L3HYPDH: variants seen among roughly 807,000 people sequenced by gnomAD.
L3HYPDH encodes trans-L-3-hydroxyproline dehydratase.
Under a neutral mutation model 26.5 loss-of-function variants are expected in L3HYPDH, and 32 were observed. That is an observed-to-expected ratio of 1.21 (90% CI 0.91 to 1.62). The LOEUF is 1.62. Ranked by LOEUF, L3HYPDH falls within the 40% of genes most tolerant of loss-of-function variation. The probability of loss-of-function intolerance (pLI) is 0.00; values close to 1 mark genes in which losing one functional copy is unlikely to be tolerated. For missense variants in L3HYPDH, 554 were observed against 476.4 expected, an observed-to-expected ratio of 1.16 and a Z score of -1.52; for synonymous variants, 215 against 196.6, an observed-to-expected ratio of 1.09 and a Z score of -0.78.
chr14:59,475,920 T>C lies in L3HYPDH; in HGVS notation c.888A>G (p.Arg296=), dbSNP rs771916154. The C allele has an allele frequency of 6.2e-7, 1 of 1,613,752 alleles. No individual in the cohort carries two copies. The highest frequency in any genetic ancestry group is 1.7e-5 in the Admixed American group (1 of 59,990). The change falls in exon 4 of 5, where the codon AGA becomes AGG. Residue 296 remains arginine, a synonymous_variant. Transcript: ENST00000247194. ...AGCCAGTTGCACTGCTTTTGAAGGC[T>C]CTCATCTGGTTCAGTTCCAGAAGCC... ...HKGLLELNQM[R]AFKSSATGSV...
At chr14:59,480,713 C>T (rs1194165835) in intron 1 of L3HYPDH, among the ~76,000 whole-genome samples, 1 of 150,924 alleles carries the variant, frequency 6.6e-6, no homozygotes, top group East Asian at 1.9e-4. Context: ...CCCTTTTAAC[C>T]CATGATGTGT....
chr14:59,502,752 T>TTTTGTTTTTTTTTCTTTGTTTTTG, the L3HYPDH span, among the ~76,000 whole-genome samples: 4 of 76,768 alleles, frequency 5.2e-5, 2 homozygotes, highest in Non-Finnish European at 5.4e-5. Flanking sequence ...AAAATGAGAT[T>TTTTGTTTTTTTTTCTTTGTTTTTG]TTTTTTTTTT....
chr14:59,480,742 T>C (rs1252203901), intron 1 of L3HYPDH, among the ~76,000 whole-genome samples: 2 of 152,344 alleles, frequency 1.3e-5, no homozygotes, highest in East Asian at 1.9e-4. Flanking sequence ...AGCAAGTTTA[T>C]AATCAAAAGA....
the L3HYPDH span, chr14:59,501,376 T>C: frequency 3.0e-6 from 2 of 672,618 alleles, no homozygotes; most frequent in Non-Finnish European, 4.9e-6. Flanking sequence ...TTTAGTAATC[T>C]TTGGCTGATT....
upstream of L3HYPDH, chr14:59,486,563 T>G: frequency 1.6e-6 from 1 of 629,188 alleles, no homozygotes; most frequent in Non-Finnish European, 2.8e-6. Flanking sequence ...AAAGGAGAAA[T>G]GTAAATTTAA....
At chr14:59,494,440 A>G in the L3HYPDH span, among the ~76,000 whole-genome samples, 2 of 152,062 alleles carry the variant, frequency 1.3e-5, no homozygotes, top group African/African-American at 4.8e-5. Flanking sequence ...TTTTGAGTAG[A>G]AAAAAAATCT....
At chr14:59,494,414 A>C in the L3HYPDH span, among the ~76,000 whole-genome samples, 5 of 152,224 alleles carry the variant, frequency 3.3e-5, no homozygotes, top group Admixed American at 1.3e-4. Context: ...AACATGGATG[A>C]AACTTGGAAA....
intron 2 of L3HYPDH, 39 bp downstream of exon 2, chr14:59,479,143 A>C: frequency 2.7e-6 from 4 of 1,473,528 alleles, no homozygotes; most frequent in Non-Finnish European, 3.7e-6. Flanking sequence ...TCCATGCCAC[A>C]GAGAAGGGAA....
chr14:59,472,413 A>C (rs1340214397), downstream of L3HYPDH, among the ~76,000 whole-genome samples: 1 of 152,242 alleles, frequency 6.6e-6, no homozygotes, highest in Non-Finnish European at 1.5e-5. Flanking sequence ...TGGATGTAGA[A>C]GCTGGGCTTT....
At chr14:59,497,777 G>C in the L3HYPDH span, among the ~76,000 whole-genome samples, 1 of 152,112 alleles carries the variant, frequency 6.6e-6, no homozygotes, top group Non-Finnish European at 1.5e-5. Context: ...TACTGTACAG[G>C]ACTGAACCTA....
At chr14:59,474,153 T>C (rs1464797620) in intron 4 of L3HYPDH, among the ~76,000 whole-genome samples, 3 of 152,182 alleles carry the variant, frequency 2.0e-5, no homozygotes, top group East Asian at 3.8e-4. Context: ...CACCAGGTTA[T>C]GTAAGGGTGT....
At chr14:59,476,921 G>A (rs1889669484) in intron 2 of L3HYPDH, among the ~76,000 whole-genome samples, 1 of 152,102 alleles carries the variant, frequency 6.6e-6, no homozygotes, top group Non-Finnish European at 1.5e-5. Flanking sequence ...ACTTTTCCTG[G>A]ATTTCTGCAA....
At chr14:59,480,689 C>G (rs562555248) in intron 1 of L3HYPDH, among the ~76,000 whole-genome samples, 4 of 152,232 alleles carry the variant, frequency 2.6e-5, no homozygotes, top group South Asian at 2.1e-4. Flanking sequence ...TTAGTCCACA[C>G]TAGTCCACAG....
At chr14:59,498,905 T>C in the L3HYPDH span, 1 of 1,590,280 alleles carries the variant, frequency 6.3e-7, no homozygotes, top group East Asian at 2.3e-5. Context: ...TGGAGGCCTT[T>C]TATGTAAGTT....
chr14:59,470,691 A>T (rs373891268), downstream of L3HYPDH, among the ~76,000 whole-genome samples: 20 of 152,286 alleles, frequency 1.3e-4, 2 homozygotes, highest in Admixed American at 8.5e-4. Context: ...TGCATAAACC[A>T]TAAGACCTGG....
intron 3 of L3HYPDH, 37 bp downstream of exon 3, chr14:59,476,055 A>G (rs1225921772): frequency 6.2e-7 from 1 of 1,613,656 alleles, no homozygotes; most frequent in Admixed American, 1.7e-5. Context: ...GTTCCATATT[A>G]CCTGGCTTTT....
the L3HYPDH span, among the ~76,000 whole-genome samples, chr14:59,499,621 G>A: frequency 2.0e-5 from 3 of 152,122 alleles, no homozygotes; most frequent in Non-Finnish European, 2.9e-5. Flanking sequence ...AAAATGTAGT[G>A]TGGTTCTTTT....
chr14:59,501,307 A>G, the L3HYPDH span: 5 of 1,264,536 alleles, frequency 4.0e-6, no homozygotes, highest in East Asian at 1.2e-4. Context: ...ACTTTTTGAT[A>G]AATTTGACAA....
intron 1 of L3HYPDH, among the ~76,000 whole-genome samples, chr14:59,479,955 T>C (rs1433007102): frequency 6.6e-6 from 1 of 152,202 alleles, no homozygotes; most frequent in Non-Finnish European, 1.5e-5. Flanking sequence ...TATTTGAGCA[T>C]TTTAAGTCTC....
Sources: allele counts gnomAD v4.1 joint callset (sites outside exome capture counted in the v4.1 genomes callset), GRCh38; gene constraint gnomAD v4.1.1; transcripts MANE v1.5; gene names NCBI Gene and HGNC (gene_info 2026-07-23, HGNC 2026-07-21).